The following PLPP1 variants were observed in gnomAD, a reference collection of about 807,000 sequenced individuals.
PLPP1 encodes the protein phospholipid phosphatase 1, also known as lipid phosphate phosphohydrolase 1a.
PLPP1 carries 24 observed loss-of-function variants against 31.2 expected under a neutral mutation model. The ratio of observed to expected loss-of-function variants is 0.77; its 90% confidence interval spans 0.56 to 1.08. PLPP1 has a LOEUF of 1.08. Among genes scored for constraint, PLPP1 ranks in the 50% least tolerant of loss-of-function variants. PLPP1 has a pLI of 0.00. For missense variants in PLPP1, 319 were observed against 342.7 expected (o/e 0.93, Z 0.55); for synonymous variants, 146 against 126.3 (o/e 1.16, Z -1.05).
chr5:55,434,865 A>C (rs1033712361), intron 4 of PLPP1, among the ~76,000 whole-genome samples: 1 of 152,208 alleles, frequency 6.6e-6, no homozygotes, highest in African/African-American at 2.4e-5. Flanking sequence ...TTTATGGCTA[A>C]GACCTTGAAC....
intron 1 of PLPP1, among the ~76,000 whole-genome samples, chr5:55,507,948 C>T (rs909090236): frequency 6.6e-6 from 1 of 152,080 alleles, no homozygotes; most frequent in African/African-American, 2.4e-5. Context: ...ACCTCCACCT[C>T]CCAGGTTCAA....
At chr5:55,525,574 G>A (rs1473433479) in intron 1 of PLPP1, among the ~76,000 whole-genome samples, 1 of 152,164 alleles carries the variant, frequency 6.6e-6, no homozygotes, top group East Asian at 1.9e-4. Flanking sequence ...GGGCTCAAGA[G>A]ATCCTCCCAC....
intron 1 of PLPP1, among the ~76,000 whole-genome samples, chr5:55,516,511 T>C (rs948569507): frequency 6.6e-6 from 1 of 152,214 alleles, no homozygotes; most frequent in African/African-American, 2.4e-5. Flanking sequence ...GCACACAGTA[T>C]ATGAGCAACA....
At chr5:55,496,913 T>C (rs1579965114) in intron 1 of PLPP1, among the ~76,000 whole-genome samples, 1 of 152,112 alleles carries the variant, frequency 6.6e-6, no homozygotes, top group Non-Finnish European at 1.5e-5. Flanking sequence ...AAATCTAAAA[T>C]GCATTTTACA....
chr5:55,489,400 C>A (rs1561243524), intron 1 of PLPP1, among the ~76,000 whole-genome samples: 1 of 152,110 alleles, frequency 6.6e-6, no homozygotes, highest in Non-Finnish European at 1.5e-5. Flanking sequence ...CTTCCCTGCA[C>A]ACAGTTTCTC....
intron 3 of PLPP1, among the ~76,000 whole-genome samples, chr5:55,443,234 CAT>C (rs1554037320): frequency 3.1e-4 from 39 of 124,898 alleles, no homozygotes; most frequent in South Asian, 1.3e-3. Context: ...CACACACACA[CAT>C]ATATATGATT....
intron 3 of PLPP1, among the ~76,000 whole-genome samples, chr5:55,447,496 A>T (rs1455542361): frequency 6.6e-6 from 1 of 152,216 alleles, no homozygotes; most frequent in Non-Finnish European, 1.5e-5. Flanking sequence ...CAGGTACTTA[A>T]TACACAGCGT....
At chr5:55,503,453 T>C (rs1343413248) in intron 1 of PLPP1, among the ~76,000 whole-genome samples, 1 of 152,070 alleles carries the variant, frequency 6.6e-6, no homozygotes, top group Non-Finnish European at 1.5e-5. Flanking sequence ...TTTAAGCTTC[T>C]CAATTTATCT....
At chr5:55,475,931 C>T (rs188672546) in intron 1 of PLPP1, among the ~76,000 whole-genome samples, 5 of 150,920 alleles carry the variant, frequency 3.3e-5, no homozygotes, top group Admixed American at 2.0e-4. Context: ...TCTGTATTGT[C>T]TATAGCAGGC....
intron 4 of PLPP1, among the ~76,000 whole-genome samples, chr5:55,427,512 A>C (rs945371395): frequency 6.6e-6 from 1 of 152,134 alleles, no homozygotes; most frequent in Non-Finnish European, 1.5e-5. Context: ...AAAAATAGCA[A>C]CTCTAGAATG....
intron 2 of PLPP1, among the ~76,000 whole-genome samples, chr5:55,474,938 G>GT (rs200044714): frequency 3.9e-4 from 58 of 150,476 alleles, no homozygotes; most frequent in African/African-American, 1.1e-3. Context: ...TTTTTTTTCT[G>GT]TTTTTTTTTA....
chr5:55,464,265 T>C (rs970333291), intron 3 of PLPP1, among the ~76,000 whole-genome samples: 1 of 151,880 alleles, frequency 6.6e-6, no homozygotes, highest in African/African-American at 2.4e-5. Flanking sequence ...AGAAGCAGTC[T>C]TGTTCTGTCA....
chr5:55,458,822 A>AG (rs1447452197), intron 3 of PLPP1, among the ~76,000 whole-genome samples: 1 of 135,178 alleles, frequency 7.4e-6, no homozygotes, highest in Non-Finnish European at 1.5e-5. Context: ...CAGGAGGCAG[A>AG]GGCTGCAGTG....
chr5:55,494,808 C>T (rs1239588705), intron 1 of PLPP1, among the ~76,000 whole-genome samples: 1 of 151,872 alleles, frequency 6.6e-6, no homozygotes, highest in East Asian at 1.9e-4. Context: ...ATCCTTTGTA[C>T]CAGGCACACA....
chr5:55,478,668 T>G lies in PLPP1; in HGVS notation c.59-3218A>C, dbSNP rs118054437. Among the ~76,000 whole-genome samples the G allele has an allele frequency of 2.0e-5, 3 of 152,150 alleles. No homozygotes were observed. The East Asian group carries it at 5.8e-4, about 29-fold the overall frequency. On this transcript the variant is annotated intron_variant, in intron 1 of 5. Coordinates refer to ENST00000307259, the MANE Select transcript of PLPP1 (RefSeq NM_003711.4). ...AGATGAGGAGAGGAAGAAGATCCAC[T>G]AAGGCAGACATGAGTGGGGTAAGGG...
chr5:55,520,215 CA>C (rs1261402404), intron 1 of PLPP1, among the ~76,000 whole-genome samples: 2 of 152,188 alleles, frequency 1.3e-5, no homozygotes, highest in Non-Finnish European at 2.9e-5. Flanking sequence ...GAAGTACAAT[CA>C]AAAGATCTGA....
intron 1 of PLPP1, among the ~76,000 whole-genome samples, chr5:55,530,918 C>A (rs1169769769): frequency 6.6e-6 from 1 of 152,160 alleles, no homozygotes; most frequent in Non-Finnish European, 1.5e-5. Context: ...CGGCAGCGGC[C>A]CCGATGGTGA....
In PLPP1 at chr5:55,517,805, T is replaced by A. The variant is rs184624414; in HGVS notation, c.58+16767A>T. Among the ~76,000 whole-genome samples the A allele has an allele frequency of 9.2e-5, 14 of 152,362 alleles. No homozygotes were observed. The East Asian group carries it at 2.3e-3, about 25-fold the overall frequency. ...AAAAAAGCCTCATTCTCTTCAGAAG[T>A]GCTCCTGAAAGGCAAAAACAGAGCT... On this transcript the variant is annotated intron_variant, in intron 1 of 5. Coordinates refer to ENST00000307259, the MANE Select transcript of PLPP1 (RefSeq NM_003711.4).
intron 1 of PLPP1, among the ~76,000 whole-genome samples, chr5:55,510,793 T>C (rs1424477145): frequency 2.0e-5 from 3 of 152,320 alleles, no homozygotes; most frequent in East Asian, 1.9e-4. Flanking sequence ...TTACTACTTG[T>C]GGGAGCTTGG....
Sources: gnomAD v4.1 joint callset for allele counts (sites outside exome capture counted in the v4.1 genomes callset) on GRCh38, gnomAD v4.1.1 for gene constraint, MANE v1.5 for transcripts, NCBI Gene and HGNC (gene_info 2026-07-23, HGNC 2026-07-21) for gene names.